ENTHD1: variants seen among roughly 807,000 people sequenced by gnomAD.
ENTHD1 encodes the protein ENTH domain-containing protein 1.
Under a neutral mutation model 39.1 loss-of-function variants are expected in ENTHD1, and 23 were observed. The ratio of observed to expected loss-of-function variants is 0.59; its 90% CI spans 0.42 to 0.83. The LOEUF (loss-of-function observed/expected upper bound fraction) is 0.83, where lower values mean the gene tolerates loss of function less well. Among genes scored for constraint, ENTHD1 ranks in the 40% least tolerant of loss-of-function variants. ENTHD1 has a pLI of 0.00. For missense variants in ENTHD1, 624 were observed against 705.4 expected, an observed-to-expected ratio of 0.88 and a Z score of 1.31; for synonymous variants, 230 against 258.2, an observed-to-expected ratio of 0.89 and a Z score of 1.05.
chr22:39,778,519 C>T (rs779487775), intron 5 of ENTHD1, among the ~76,000 whole-genome samples: 13 of 152,194 alleles, frequency 8.5e-5, no homozygotes, highest in South Asian at 2.1e-4. Context: ...AATATCATTT[C>T]GATCATAAAT....
chr22:39,785,975 C>T (rs575163861), intron 5 of ENTHD1, among the ~76,000 whole-genome samples: 2 of 152,146 alleles, frequency 1.3e-5, no homozygotes, highest in African/African-American at 2.4e-5. Context: ...GGTAGATGAC[C>T]TTCTTTCCTA....
intron 5 of ENTHD1, among the ~76,000 whole-genome samples, chr22:39,788,483 C>T (rs2065477127): frequency 6.6e-6 from 1 of 152,154 alleles, no homozygotes; most frequent in Admixed American, 6.6e-5. Flanking sequence ...GGAATTGCTT[C>T]TTATGGATGA....
chr22:39,843,940 T>C (rs1434287004), intron 3 of ENTHD1, among the ~76,000 whole-genome samples: 2 of 152,152 alleles, frequency 1.3e-5, no homozygotes, highest in East Asian at 3.9e-4. Context: ...CACCACAGTA[T>C]CCACTACAGA....
intron 5 of ENTHD1, among the ~76,000 whole-genome samples, chr22:39,794,587 G>A (rs963771600): frequency 1.3e-5 from 2 of 152,112 alleles, no homozygotes; most frequent in Admixed American, 1.3e-4. Context: ...TGGATCACGA[G>A]GTCAGGAAAT....
At chr22:39,748,215 C>T (rs1309236373) in intron 6 of ENTHD1, among the ~76,000 whole-genome samples, 1 of 148,906 alleles carries the variant, frequency 6.7e-6, no homozygotes, top group Non-Finnish European at 1.5e-5. Flanking sequence ...TGCCAGGGCG[C>T]TCCAACCTGG....
chr22:39,781,607 G>C (rs1203042014), intron 5 of ENTHD1, among the ~76,000 whole-genome samples: 1 of 152,022 alleles, frequency 6.6e-6, no homozygotes, highest in Non-Finnish European at 1.5e-5. Context: ...AGGAACTAGA[G>C]AAGCAGGAAT....
At chr22:39,771,942 A>T in intron 5 of ENTHD1, among the ~76,000 whole-genome samples, 1 of 152,346 alleles carries the variant, frequency 6.6e-6, no homozygotes, top group East Asian at 1.9e-4. Context: ...GGAGAATGTA[A>T]AAGATTGTTT....
chr22:39,774,405 C>T (rs139930328), intron 5 of ENTHD1, among the ~76,000 whole-genome samples: 19 of 152,200 alleles, frequency 1.2e-4, no homozygotes, highest in African/African-American at 4.6e-4. Context: ...GATTTTTAGC[C>T]CTAAATATCT....
chr22:39,871,321 T>C (rs745499825), intron 2 of ENTHD1, among the ~76,000 whole-genome samples: 1 of 152,216 alleles, frequency 6.6e-6, no homozygotes, highest in African/African-American at 2.4e-5. Flanking sequence ...CAAGAGCTGA[T>C]AGTAGTAACT....
At chr22:39,805,504 G>A (rs1351493328) in intron 5 of ENTHD1, among the ~76,000 whole-genome samples, 3 of 152,236 alleles carry the variant, frequency 2.0e-5, no homozygotes, top group Non-Finnish European at 4.4e-5. Flanking sequence ...AAGCAGGGCA[G>A]TGCTGCTAAC....
At chr22:39,814,295 C>CAAAAAAAAAAAAAAAAAAAAAAA (rs77915572) in intron 5 of ENTHD1, among the ~76,000 whole-genome samples, 1 of 97,734 alleles carries the variant, frequency 1.0e-5, no homozygotes, top group African/African-American at 3.6e-5. Context: ...CCCATCTCTA[C>CAAAAAAAAAAAAAAAAAAAAAAA]AAAAAAAAAA....
At chr22:39,786,953 T>G (rs1489146333) in intron 5 of ENTHD1, among the ~76,000 whole-genome samples, 1 of 152,248 alleles carries the variant, frequency 6.6e-6, no homozygotes, top group Non-Finnish European at 1.5e-5. Flanking sequence ...GTTTCTCAGA[T>G]ATTACGGTTT....
At position 39,835,883 on chromosome 22, in the gene ENTHD1, T is replaced by C. The variant is rs1386831142; in HGVS notation, c.668A>G (p.Gln223Arg). The C allele has an allele frequency of 2.5e-6, 4 of 1,609,490 alleles. No homozygotes were observed. The highest frequency in any genetic ancestry group is 1.7e-5 in the Admixed American group (1 of 59,482). ...ATGAATCTTGAGTGGAAGTGTTTCC[T>C]GGGACAACATAGTTTCTGTAGGCAA... ...VHLPTETMLSQETLPLKIHGW... is the reference protein window; with the variant it reads ...VHLPTETMLSRETLPLKIHGW... Residue 223 changes from glutamine to arginine, a missense_variant, in exon 4 of 7, where the codon CAG (glutamine) becomes CGG (arginine). Coordinates refer to ENST00000325157, the MANE Select transcript of ENTHD1 (RefSeq NM_152512.4).
At chr22:39,748,807 G>A (rs2065127126) in intron 6 of ENTHD1, among the ~76,000 whole-genome samples, 1 of 152,104 alleles carries the variant, frequency 6.6e-6, no homozygotes, top group South Asian at 2.1e-4. Context: ...TATTTAAATT[G>A]ATGCCAGTGG....
chr22:39,772,660 C>A (rs1601584313), intron 5 of ENTHD1, among the ~76,000 whole-genome samples: 1 of 151,936 alleles, frequency 6.6e-6, no homozygotes, highest in African/African-American at 2.4e-5. Context: ...ATTTCAATAA[C>A]CACAGTAAAT....
rs181032039 is a variant in ENTHD1, at chr22:39,785,327, G to A, written c.833-19718C>T. Reference sequence around the variant, plus strand: ...ATTTGAAAGGTTCCCCGATATATCCGGTGCCATCTCACCTCTGTGATTTCA... The same window carrying A: ...ATTTGAAAGGTTCCCCGATATATCCAGTGCCATCTCACCTCTGTGATTTCA... On this transcript the variant is annotated intron_variant, in intron 5 of 6. Transcript: ENST00000325157. Among the ~76,000 whole-genome samples the A allele has an allele frequency of 2.1e-3, 314 of 152,134 alleles. 2 individuals carry two copies. The highest frequency in any genetic ancestry group is 7.1e-3 in the African/African-American group (296 of 41,530).
intron 1 of ENTHD1, 147 bp from the exon 2 acceptor site, chr22:39,888,050 G>A (rs1396468807): frequency 3.6e-6 from 1 of 280,482 alleles, no homozygotes; most frequent in Non-Finnish European, 6.6e-6. Flanking sequence ...CTGTTCCTAG[G>A]ATAGGCATGG....
intron 4 of ENTHD1, among the ~76,000 whole-genome samples, chr22:39,830,247 G>T (rs185254536): frequency 6.6e-6 from 1 of 151,958 alleles, no homozygotes; most frequent in Non-Finnish European, 1.5e-5. Flanking sequence ...GGTAATTTTC[G>T]TATTTTTAGT....
intron 4 of ENTHD1, among the ~76,000 whole-genome samples, chr22:39,827,415 T>A (rs1459741107): frequency 2.0e-5 from 3 of 152,102 alleles, no homozygotes; most frequent in Non-Finnish European, 2.9e-5. Flanking sequence ...AATAAAAATT[T>A]TAAATCAAAT....
Sources: gnomAD v4.1 joint callset for allele counts (sites outside exome capture counted in the v4.1 genomes callset) on GRCh38, gnomAD v4.1.1 for gene constraint, MANE v1.5 for transcripts, NCBI Gene and HGNC (gene_info 2026-07-23, HGNC 2026-07-21) for gene names.